The following CDK19 variants were observed in gnomAD, a reference collection of about 807,000 sequenced individuals.
The protein encoded by CDK19 is cyclin-dependent kinase 19.
In CDK19, 20 loss-of-function variants were observed where a neutral mutation model predicts 68.3. The observed-to-expected ratio is 0.29, with a 90% CI of 0.21 to 0.43. CDK19 has a LOEUF of 0.43. CDK19 is among the 20% of genes least tolerant of loss of function. The pLI is 1.00. For missense variants in CDK19, 339 were observed against 623.5 expected, an observed-to-expected ratio of 0.54 and a Z score of 4.86; for synonymous variants, 221 against 222.8, an observed-to-expected ratio of 0.99 and a Z score of 0.07.
At chr6:110,735,182 A>T (rs1242020846) in intron 2 of CDK19, among the ~76,000 whole-genome samples, 1 of 151,818 alleles carries the variant, frequency 6.6e-6, no homozygotes, top group Non-Finnish European at 1.5e-5. Flanking sequence ...CCTGAGCTCA[A>T]GCGATCCTCT....
chr6:110,729,359 T>C (rs868108840), intron 2 of CDK19, among the ~76,000 whole-genome samples: 1 of 152,210 alleles, frequency 6.6e-6, no homozygotes, highest in Non-Finnish European at 1.5e-5. Flanking sequence ...TGATAAATAT[T>C]AAGACACTTT....
At chr6:110,653,535 AG>A (rs929137528) in intron 4 of CDK19, among the ~76,000 whole-genome samples, 2 of 152,222 alleles carry the variant, frequency 1.3e-5, no homozygotes. Flanking sequence ...CAGCTGTGAA[AG>A]AAAGTGATAC....
intron 4 of CDK19, 58 bp downstream of exon 4, chr6:110,667,376 A>G: frequency 8.7e-7 from 1 of 1,149,466 alleles, no homozygotes; most frequent in East Asian, 2.6e-5. Flanking sequence ...AGAAGAAAAT[A>G]TATTTTTTAA....
rs143695479 is a variant in CDK19 at position 110,662,072 on chromosome 6, C to T, written c.456+5362G>A. ...GCAATCTCTGCCTCCCAGGTTCAAG[C>T]GATTCTCCTGCCTCAGCCTCCCGAG... is the stretch of plus-strand genomic sequence containing the variant. On this transcript the variant is annotated intron_variant, in intron 4 of 12. Coordinates refer to ENST00000368911, the MANE Select transcript of CDK19 (RefSeq NM_015076.5). Among the ~76,000 whole-genome samples the T allele has an allele frequency of 5.0e-4, 76 of 152,274 alleles. No homozygotes were observed. In the East Asian group the frequency reaches 0.013, roughly 26 times the overall value.
At chr6:110,696,380 C>A (rs1773487454) in intron 2 of CDK19, among the ~76,000 whole-genome samples, 1 of 152,204 alleles carries the variant, frequency 6.6e-6, no homozygotes, top group African/African-American at 2.4e-5. Context: ...GACAAACCCA[C>A]AGGCAACATG....
intron 2 of CDK19, among the ~76,000 whole-genome samples, chr6:110,721,775 C>G (rs985592113): frequency 5.9e-5 from 9 of 151,810 alleles, no homozygotes; most frequent in Non-Finnish European, 1.2e-4. Context: ...TCAGCCTGAC[C>G]AACATGGTGA....
At chr6:110,693,550 G>A (rs555097942) in intron 2 of CDK19, among the ~76,000 whole-genome samples, 1 of 152,202 alleles carries the variant, frequency 6.6e-6, no homozygotes, top group Non-Finnish European at 1.5e-5. Flanking sequence ...TATAAACTTG[G>A]TGCTGTTAGT....
chr6:110,669,765 G>A (rs1770839166), intron 3 of CDK19, among the ~76,000 whole-genome samples: 1 of 152,122 alleles, frequency 6.6e-6, no homozygotes, highest in Non-Finnish European at 1.5e-5. Context: ...GAAAAGACAG[G>A]AATTAGAATT....
At chr6:110,635,521 T>C (rs1779708596) in intron 5 of CDK19, among the ~76,000 whole-genome samples, 1 of 152,136 alleles carries the variant, frequency 6.6e-6, no homozygotes, top group Admixed American at 6.5e-5. Flanking sequence ...CATGCAAGTA[T>C]CCTTTTCTTA....
At chr6:110,775,749 G>C (rs1377961978) in intron 1 of CDK19, among the ~76,000 whole-genome samples, 1 of 152,190 alleles carries the variant, frequency 6.6e-6, no homozygotes, top group Non-Finnish European at 1.5e-5. Context: ...ATTTAAAAGA[G>C]AGAGGCATAT....
At chr6:110,681,863 C>T (rs1437478935) in intron 2 of CDK19, among the ~76,000 whole-genome samples, 2 of 152,154 alleles carry the variant, frequency 1.3e-5, no homozygotes, top group Non-Finnish European at 2.9e-5. Flanking sequence ...AATGAACATG[C>T]CAATATTTTA....
intron 1 of CDK19, among the ~76,000 whole-genome samples, chr6:110,761,237 C>A (rs1178574864): frequency 2.0e-5 from 3 of 151,976 alleles, no homozygotes; most frequent in African/African-American, 7.3e-5. Context: ...TACATGCTAC[C>A]CTGCCCAGCA....
At chr6:110,702,287 T>C (rs1410671791) in intron 2 of CDK19, among the ~76,000 whole-genome samples, 1 of 151,760 alleles carries the variant, frequency 6.6e-6, no homozygotes, top group Non-Finnish European at 1.5e-5. Context: ...CTCTACAAAA[T>C]ATAAAAAATT....
intron 2 of CDK19, among the ~76,000 whole-genome samples, chr6:110,719,979 C>CCCCCCA (rs1775727922): frequency 1.1e-5 from 1 of 94,546 alleles, no homozygotes; most frequent in Non-Finnish European, 2.2e-5. Context: ...TCCGCCCCCC[C>CCCCCCA]CCCCCCACCC....
rs1222913633 is a variant in CDK19 at position 110,635,664 on chromosome 6, C to T, written c.514+2985G>A. 2.6e-5 allele frequency among the ~76,000 whole-genome samples: 4 copies of T among 152,104 alleles called. No homozygotes were observed. The East Asian group carries it at 5.8e-4, about 22-fold the overall frequency. ...AAGCACTTCTCCTGCCTCAGCCTCC[C>T]GAGTAGCTGGGATTACAGGCACGCA... On this transcript the variant is annotated intron_variant, in intron 5 of 12. Coordinates refer to ENST00000368911, the MANE Select transcript of CDK19 (RefSeq NM_015076.5).
At chr6:110,781,646 G>A (rs1056823685) in intron 1 of CDK19, among the ~76,000 whole-genome samples, 1 of 151,882 alleles carries the variant, frequency 6.6e-6, no homozygotes, top group African/African-American at 2.4e-5. Context: ...AGTTCAAGAC[G>A]AGTCTGGGCA....
intron 1 of CDK19, among the ~76,000 whole-genome samples, chr6:110,757,303 C>T (rs1276417508): frequency 6.6e-6 from 1 of 152,144 alleles, no homozygotes; most frequent in Non-Finnish European, 1.5e-5. Flanking sequence ...TATTAAAATT[C>T]CCCGATAGTA....
At chr6:110,797,984 C>CAAAAAAAAAAAAAAA (rs56710819) in intron 1 of CDK19, among the ~76,000 whole-genome samples, 2 of 87,246 alleles carry the variant, frequency 2.3e-5, no homozygotes, top group African/African-American at 4.3e-5. Context: ...GACTCCGTCT[C>CAAAAAAAAAAAAAAA]AAAAAAAAAA....
intron 1 of CDK19, among the ~76,000 whole-genome samples, chr6:110,798,469 C>T (rs1037878310): frequency 1.3e-5 from 2 of 151,180 alleles, no homozygotes; most frequent in Non-Finnish European, 1.5e-5. Flanking sequence ...TACTTAAATA[C>T]AAAAATTAGC....
Sources: gnomAD v4.1 joint callset for allele counts (sites outside exome capture counted in the v4.1 genomes callset) on GRCh38, gnomAD v4.1.1 for gene constraint, MANE v1.5 for transcripts, NCBI Gene and HGNC (gene_info 2026-07-23, HGNC 2026-07-21) for gene names.